ARHGAP15: variants seen among roughly 807,000 people sequenced by gnomAD.
The protein encoded by ARHGAP15 is Rho GTPase activating protein 15.
Under a neutral mutation model 63.7 loss-of-function variants are expected in ARHGAP15, and 51 were observed. The observed-to-expected ratio is 0.80, with a 90% CI of 0.64 to 1.01. The LOEUF is 1.01. ARHGAP15 is among the 50% of genes least tolerant of loss of function. ARHGAP15 has a pLI of 0.00. For synonymous variants in ARHGAP15, 191 were observed against 193.8 expected (o/e 0.99, Z 0.12); for missense variants, 560 against 564.6 (o/e 0.99, Z 0.08).
intron 10 of ARHGAP15, among the ~76,000 whole-genome samples, chr2:143,536,953 A>T (rs1327020722): frequency 2.0e-5 from 3 of 152,174 alleles, no homozygotes; most frequent in East Asian, 1.9e-4. Context: ...CACCACACCG[A>T]CTTCCACAAT....
chr2:143,231,882 C>A (rs578033208), intron 5 of ARHGAP15, among the ~76,000 whole-genome samples: 24 of 152,302 alleles, frequency 1.6e-4, no homozygotes, highest in African/African-American at 5.5e-4. Context: ...AGAGAGCAGA[C>A]GTTCGTGTCT....
chr2:143,317,028 C>T (rs1213439330), intron 6 of ARHGAP15, among the ~76,000 whole-genome samples: 1 of 152,120 alleles, frequency 6.6e-6, no homozygotes, highest in Non-Finnish European at 1.5e-5. Flanking sequence ...TTAAACTAAA[C>T]TTCCTGTCTA....
intron 12 of ARHGAP15, among the ~76,000 whole-genome samples, chr2:143,650,488 G>A (rs1321748793): frequency 6.6e-6 from 1 of 151,892 alleles, no homozygotes; most frequent in Non-Finnish European, 1.5e-5. Context: ...ATACCTTACA[G>A]TACCTTCCTC....
At chr2:143,450,358 TAAG>T (rs918376233) in intron 8 of ARHGAP15, among the ~76,000 whole-genome samples, 15 of 151,938 alleles carry the variant, frequency 9.9e-5, no homozygotes, top group Non-Finnish European at 1.9e-4. Context: ...TATGGAATCA[TAAG>T]AAGCAGTGAG....
rs779785072 is a variant in ARHGAP15, at chr2:143,312,481, G to GA, written c.474+61890dup. 1.1e-4 allele frequency among the ~76,000 whole-genome samples: 16 copies of GA among 149,732 alleles called. No individual in the cohort carries two copies. The South Asian group carries it at 2.5e-3, about 24-fold the overall frequency. ...CAGTTATTTTTTTCAAAGATAAAAA[G>GA]AAAAAAAAAGCATGTTCAAAAATGT... On this transcript the variant is annotated intron_variant, in intron 6 of 13. Coordinates refer to ENST00000295095, the MANE Select transcript of ARHGAP15 (RefSeq NM_018460.4).
At chr2:143,697,677 G>T (rs570375854) in intron 12 of ARHGAP15, among the ~76,000 whole-genome samples, 34 of 152,242 alleles carry the variant, frequency 2.2e-4, no homozygotes, top group African/African-American at 8.2e-4. Flanking sequence ...AAGCAACTAT[G>T]AGTTACTCAA....
intron 6 of ARHGAP15, among the ~76,000 whole-genome samples, chr2:143,382,288 C>T (rs1012240560): frequency 8.5e-5 from 13 of 152,134 alleles, no homozygotes; most frequent in Non-Finnish European, 1.6e-4. Flanking sequence ...GGCTAGACAT[C>T]TGAAATCAAG....
rs991973648 is a variant in ARHGAP15, at chr2:143,253,663, G to T, written c.474+3063G>T. ...TACTTCTTAACAATAAATAATAAAA[G>T]AATTCTATAATAAAGTATGTATTAG... On this transcript the variant is annotated intron_variant, in intron 6 of 13. Transcript: ENST00000295095. Among the ~76,000 whole-genome samples the T allele has an allele frequency of 5.3e-5, 8 of 150,714 alleles. No individual in the cohort carries two copies. The East Asian group carries it at 9.7e-4, about 18-fold the overall frequency.
At chr2:143,255,333 T>C (rs944541564) in intron 6 of ARHGAP15, among the ~76,000 whole-genome samples, 1 of 152,084 alleles carries the variant, frequency 6.6e-6, no homozygotes, top group Admixed American at 6.6e-5. Context: ...GATTTGAGAT[T>C]ATTTTTCAAG....
chr2:143,660,690 G>A (rs573102051), intron 12 of ARHGAP15, among the ~76,000 whole-genome samples: 1 of 152,090 alleles, frequency 6.6e-6, no homozygotes, highest in South Asian at 2.1e-4. Flanking sequence ...GAAAAGTAAG[G>A]GCTATGTGCT....
chr2:143,365,922 G>A (rs542256246), intron 6 of ARHGAP15, among the ~76,000 whole-genome samples: 6 of 152,126 alleles, frequency 3.9e-5, no homozygotes, highest in East Asian at 1.9e-4. Flanking sequence ...TGGGTTTTTC[G>A]ATTCTTCTAG....
At chr2:143,304,844 A>G (rs937853211) in intron 6 of ARHGAP15, among the ~76,000 whole-genome samples, 6 of 152,082 alleles carry the variant, frequency 3.9e-5, no homozygotes, top group Non-Finnish European at 7.4e-5. Context: ...TGGAGAGGGT[A>G]TGGAGAAATA....
chr2:143,301,199 A>G (rs1390319997), intron 6 of ARHGAP15, among the ~76,000 whole-genome samples: 1 of 151,972 alleles, frequency 6.6e-6, no homozygotes, highest in African/African-American at 2.4e-5. Context: ...TAATATTTGC[A>G]TTCCTTTTCA....
At chr2:143,428,597 T>A (rs1689234079) in intron 6 of ARHGAP15, among the ~76,000 whole-genome samples, 1 of 151,928 alleles carries the variant, frequency 6.6e-6, no homozygotes, top group South Asian at 2.1e-4. Flanking sequence ...GGCACAAAAA[T>A]TTTCATAATA....
chr2:143,145,839 GGTGTGTGTGT>G lies in ARHGAP15; in HGVS notation c.-14-9607_-14-9598del, dbSNP rs4008348. ...TCCTTCCAATTTATATATGTATAGG[GGTGTGTGTGT>G]GTGTGTGTGTGTGTGTGTGTGTGTG... On this transcript the variant is annotated intron_variant, in intron 1 of 13. Coordinates refer to ENST00000295095, the MANE Select transcript of ARHGAP15 (RefSeq NM_018460.4). Among the ~76,000 whole-genome samples the G allele has an allele frequency of 6.9e-3, 982 of 142,816 alleles. 10 individuals carry two copies. In the East Asian group the frequency reaches 0.072, roughly 10 times the overall value. 93.7% of individuals were successfully genotyped at this position (142,816 alleles called of 152,430 possible).
chr2:143,261,943 G>A (rs1180852543), intron 6 of ARHGAP15, among the ~76,000 whole-genome samples: 1 of 152,130 alleles, frequency 6.6e-6, no homozygotes, highest in East Asian at 1.9e-4. Flanking sequence ...ATTAGCTCCT[G>A]AGCCTTTGGT....
intron 12 of ARHGAP15, among the ~76,000 whole-genome samples, chr2:143,680,206 T>G (rs1000444672): frequency 5.3e-5 from 8 of 152,132 alleles, no homozygotes; most frequent in Non-Finnish European, 7.4e-5. Context: ...CCACACAATA[T>G]TTTTCTCTGT....
intron 6 of ARHGAP15, among the ~76,000 whole-genome samples, chr2:143,251,016 A>G (rs1680133214): frequency 6.6e-6 from 1 of 152,050 alleles, no homozygotes; most frequent in Admixed American, 6.6e-5. Flanking sequence ...ATTTACCAGT[A>G]TAACTTACAA....
chr2:143,283,556 T>C (rs1368079371), intron 6 of ARHGAP15, among the ~76,000 whole-genome samples: 1 of 152,212 alleles, frequency 6.6e-6, no homozygotes, highest in East Asian at 1.9e-4. Context: ...TCAGCCTTTG[T>C]TGCAAATCAG....
Sources: allele counts gnomAD v4.1 joint callset (sites outside exome capture counted in the v4.1 genomes callset), GRCh38; gene constraint gnomAD v4.1.1; transcripts MANE v1.5; gene names NCBI Gene and HGNC (gene_info 2026-07-23, HGNC 2026-07-21).